The following FTO variants were observed in gnomAD, a reference collection of about 807,000 sequenced individuals.
FTO encodes the protein FTO alpha-ketoglutarate dependent dioxygenase.
FTO carries 47 observed loss-of-function variants against 63.9 expected under a neutral mutation model. The observed-to-expected ratio is 0.74, with a 90% CI of 0.58 to 0.94. The LOEUF is 0.94. FTO is among the 40% of genes least tolerant of loss of function. The pLI is 0.00. For synonymous variants in FTO, 207 were observed against 224.4 expected (o/e 0.92, Z 0.69); for missense variants, 562 against 618.1 (o/e 0.91, Z 0.96).
chr16:53,770,741 C>T (rs1421553384), intron 1 of FTO, among the ~76,000 whole-genome samples: 1 of 152,034 alleles, frequency 6.6e-6, no homozygotes, highest in African/African-American at 2.4e-5. Context: ...GGTGCTTGGT[C>T]TGGTGGATGC....
At chr16:53,943,519 T>C (rs1237199822) in intron 8 of FTO, among the ~76,000 whole-genome samples, 1 of 152,256 alleles carries the variant, frequency 6.6e-6, no homozygotes, top group African/African-American at 2.4e-5. Flanking sequence ...AAGTGTCTAT[T>C]GTTTTCTAAG....
rs560531291 is a variant in FTO, at chr16:53,739,412, T to C, written c.45+35183T>C. Among the ~76,000 whole-genome samples, 345 of 151,080 alleles carry C rather than the reference T, an allele frequency of 2.3e-3. 2 individuals are homozygous for C. Among genetic ancestry groups the C allele is most frequent in the Middle Eastern group, 0.017 (5 of 294 alleles). On this transcript the variant is annotated intron_variant, in intron 1 of 8. Coordinates refer to ENST00000471389, the MANE Select transcript of FTO (RefSeq NM_001080432.3). The stretch of plus-strand genomic sequence containing the variant: ...TCTATTTTTAGTAGAGATGGGGTTT[T>C]ACCGTGTTAGCCAGGATGGTCTTGA...
intron 8 of FTO, among the ~76,000 whole-genome samples, chr16:54,021,648 C>T (rs1345694772): frequency 6.6e-6 from 1 of 152,092 alleles, no homozygotes; most frequent in Non-Finnish European, 1.5e-5. Flanking sequence ...CACTATCACA[C>T]CCAGCCAATT....
At chr16:54,037,173 T>C (rs1316664950) in intron 8 of FTO, among the ~76,000 whole-genome samples, 2 of 152,158 alleles carry the variant, frequency 1.3e-5, no homozygotes, top group African/African-American at 4.8e-5. Flanking sequence ...TTCACCCACT[T>C]CTGGAACTAA....
At chr16:54,007,314 A>C (rs150601706) in intron 8 of FTO, among the ~76,000 whole-genome samples, 18 of 152,316 alleles carry the variant, frequency 1.2e-4, no homozygotes, top group African/African-American at 4.1e-4. Context: ...AATTTAAAAA[A>C]TAAAAGAAAA....
At chr16:53,823,691 A>G (rs2078927319) in intron 2 of FTO, among the ~76,000 whole-genome samples, 1 of 152,124 alleles carries the variant, frequency 6.6e-6, no homozygotes, top group Non-Finnish European at 1.5e-5. Context: ...CTTAACTTCT[A>G]TCCTGAGCAA....
chr16:53,945,537 A>G (rs1320236306), intron 8 of FTO, among the ~76,000 whole-genome samples: 2 of 152,224 alleles, frequency 1.3e-5, no homozygotes, highest in East Asian at 3.8e-4. Context: ...GTGTGGAGAT[A>G]GGCAGGTATG....
chr16:53,819,957 T>C (rs1355118356), intron 2 of FTO, among the ~76,000 whole-genome samples: 1 of 152,104 alleles, frequency 6.6e-6, no homozygotes, highest in East Asian at 1.9e-4. Context: ...TGAGCACTTA[T>C]GTGGAACCAA....
Position 54,116,410 on chromosome 16 carries a change from T to G in FTO, c.*4495T>G, listed in dbSNP as rs1372938459. 6.6e-6 allele frequency: 1 copy of G among 152,082 alleles called. No homozygotes were observed. Among genetic ancestry groups the G allele is most frequent in the Non-Finnish European group, 1.5e-5 (1 of 68,026 alleles). The allele number at this position is 152,082 out of a possible 1,614,324, so 9.4% of individuals were successfully genotyped here. A position where few individuals can be genotyped will look rare whatever the true frequency, so the allele number is the denominator to read the frequency against. On this transcript the variant is annotated 3_prime_UTR_variant, in exon 9 of 9. Transcript: ENST00000471389. Reference sequence around the variant, plus strand: ...GACAGATTCAGATGGAGAGGAGCGGTGTGGATTAAAATGCGCCGAAGTGGT... The same window carrying G: ...GACAGATTCAGATGGAGAGGAGCGGGGTGGATTAAAATGCGCCGAAGTGGT...
intron 1 of FTO, among the ~76,000 whole-genome samples, chr16:53,752,031 A>G (rs2076806900): frequency 6.6e-6 from 1 of 152,252 alleles, no homozygotes. Flanking sequence ...TTGTACTGGC[A>G]CATGGGCACA....
At chr16:53,781,548 G>C (rs2077589710) in intron 1 of FTO, among the ~76,000 whole-genome samples, 1 of 152,120 alleles carries the variant, frequency 6.6e-6, no homozygotes, top group Admixed American at 6.5e-5. Context: ...TTGGGGTTGG[G>C]CTGCCTGAGG....
intron 8 of FTO, among the ~76,000 whole-genome samples, chr16:54,106,254 A>T: frequency 6.6e-6 from 1 of 151,896 alleles, no homozygotes; most frequent in East Asian, 1.9e-4. Context: ...CATGAGTTAC[A>T]CCTTGGTCAG....
intron 8 of FTO, among the ~76,000 whole-genome samples, chr16:53,949,398 A>G (rs2287141): frequency 0.52 from 78,490 of 152,114 alleles, 22,235 homozygotes; most frequent in Middle Eastern, 0.65. Flanking sequence ...AAATGTAAAA[A>G]TATTTTTTCC....
chr16:53,823,491 T>TAC (rs2078921554), intron 2 of FTO, among the ~76,000 whole-genome samples: 1 of 145,726 alleles, frequency 6.9e-6, no homozygotes, highest in African/African-American at 2.6e-5. Flanking sequence ...TACATCCAAT[T>TAC]CCCCTCCCCC....
At chr16:53,911,040 A>G (rs983694329) in intron 7 of FTO, among the ~76,000 whole-genome samples, 5 of 152,242 alleles carry the variant, frequency 3.3e-5, no homozygotes, top group Non-Finnish European at 5.9e-5. Context: ...ATCTCAGAAG[A>G]GCTGAAAATA....
intron 1 of FTO, among the ~76,000 whole-genome samples, chr16:53,797,049 T>G (rs2078092528): frequency 6.6e-6 from 1 of 152,208 alleles, no homozygotes; most frequent in South Asian, 2.1e-4. Context: ...AGTATGTGCT[T>G]TTGCACTCGC....
At chr16:54,058,855 CTACTG>C (rs1488471834) in intron 8 of FTO, among the ~76,000 whole-genome samples, 1 of 152,112 alleles carries the variant, frequency 6.6e-6, no homozygotes, top group African/African-American at 2.4e-5. Context: ...TTGTCTGCTG[CTACTG>C]TGTCTATTTT....
chr16:53,849,846 A>G (rs2079735387), intron 4 of FTO, among the ~76,000 whole-genome samples: 1 of 152,192 alleles, frequency 6.6e-6, no homozygotes, highest in Admixed American at 6.5e-5. Context: ...TTGGGACTGA[A>G]CATGGAAACT....
chr16:53,956,131 C>T (rs1892792288), intron 8 of FTO, among the ~76,000 whole-genome samples: 1 of 152,034 alleles, frequency 6.6e-6, no homozygotes, highest in African/African-American at 2.4e-5. Context: ...AAACTGAATT[C>T]AGAGAAAGTT....
Sources: gnomAD v4.1 joint callset for allele counts (sites outside exome capture counted in the v4.1 genomes callset) on GRCh38, gnomAD v4.1.1 for gene constraint, MANE v1.5 for transcripts, NCBI Gene and HGNC (gene_info 2026-07-23, HGNC 2026-07-21) for gene names.